The following POMT1 variants were observed in gnomAD, a reference collection of about 807,000 sequenced individuals.
POMT1 encodes protein O-mannosyl-transferase 1.
POMT1 carries 85 observed loss-of-function variants against 101.6 expected under a neutral mutation model. The ratio of observed to expected loss-of-function variants is 0.84; its 90% CI spans 0.70 to 1.00. The LOEUF (loss-of-function observed/expected upper bound fraction) is 1.00, where lower values mean the gene tolerates loss of function less well. Ranked by LOEUF, POMT1 falls within the 50% of genes least tolerant of loss-of-function variation. POMT1 has a pLI of 0.00. For missense variants in POMT1, 857 were observed against 930.4 expected (o/e 0.92, Z 1.03); for synonymous variants, 371 against 383.0 (o/e 0.97, Z 0.37).
chr9:131,510,972 C>CGAAGA, intron 9 of POMT1: 2 of 278,634 alleles, frequency 7.2e-6, no homozygotes, highest in Non-Finnish European at 6.9e-6. Context: ...AGCCTGCCGA[C>CGAAGA]GGCCAGTGCT....
At chr9:131,516,097 T>G (rs375754144) in intron 13 of POMT1, among the ~76,000 whole-genome samples, 3 of 33,028 alleles carry the variant, frequency 9.1e-5, no homozygotes, top group African/African-American at 1.1e-4. Context: ...CTTCCTCACA[T>G]GGAGCACTTC....
At position 131,519,988 on chromosome 9, in the gene POMT1, G is replaced by GC. The variant is rs1346191321; in HGVS notation, c.1585-91dup. 3.2e-6 allele frequency: 3 copies of GC among 945,400 alleles called. No individual in the cohort carries two copies. The East Asian group carries it at 7.8e-5, about 24-fold the overall frequency. The allele number at this position is 945,400 out of a possible 1,614,324, so 58.6% of individuals were successfully genotyped here. ...GAACTTGAGCTGGGCCAGTCCACGT[G>GC]CAAGGGGCAGCAGTGTACTCCTTTG... On this transcript the variant is annotated intron_variant, in intron 16 of 19. Transcript: ENST00000402686. The surrounding 1 kb of genome is among the most constrained non-coding windows in gnomAD (Gnocchi z 4.3).
chr9:131,509,309 T>A (rs549783645), intron 6 of POMT1, among the ~76,000 whole-genome samples: 1 of 152,180 alleles, frequency 6.6e-6, no homozygotes, highest in South Asian at 2.1e-4. Flanking sequence ...CAGCACCATG[T>A]CTGGCTAATT....
chr9:131,505,208 C>T (rs1945517338), intron 2 of POMT1, among the ~76,000 whole-genome samples: 1 of 152,092 alleles, frequency 6.6e-6, no homozygotes, highest in Non-Finnish European at 1.5e-5. Flanking sequence ...TATCAGTTCA[C>T]AGCCAGGCCC....
intron 12 of POMT1, among the ~76,000 whole-genome samples, chr9:131,513,957 C>G (rs551871720): frequency 6.6e-6 from 1 of 152,198 alleles, no homozygotes; most frequent in Admixed American, 6.5e-5. Flanking sequence ...CCCGGCTGCC[C>G]GGGGCTCACC....
intron 16 of POMT1, 29 bp from the exon 17 acceptor site, chr9:131,520,051 C>A: frequency 1.3e-6 from 2 of 1,585,082 alleles, no homozygotes; most frequent in Non-Finnish European, 1.7e-6. Context: ...CCCCCATCCT[C>A]AATCTCAGAG....
chr9:131,515,304 C>A, intron 12 of POMT1, 122 bp from the exon 13 acceptor site: 1 of 958,462 alleles, frequency 1.0e-6, no homozygotes, highest in Non-Finnish European at 1.7e-6. Context: ...GGGACTGGGC[C>A]ACCCCTTATG....
intron 17 of POMT1, among the ~76,000 whole-genome samples, 193 bp downstream of exon 17, chr9:131,520,386 G>T (rs563219282): frequency 2.0e-5 from 3 of 152,350 alleles, no homozygotes; most frequent in African/African-American, 7.2e-5. Flanking sequence ...TGGCATGTGT[G>T]CCTGTTGAAG....
At chr9:131,506,581 T>A in intron 4 of POMT1, 128 bp downstream of exon 4, 1 of 869,858 alleles carries the variant, frequency 1.1e-6, no homozygotes, top group Non-Finnish European at 1.9e-6. Flanking sequence ...AACTGTGCCT[T>A]ATTAATCTGA....
Position 131,522,280 on chromosome 9 carries a change from C to A in POMT1, c.2003+56C>A. The A allele has an allele frequency of 1.9e-6, 3 of 1,605,082 alleles. No homozygotes were observed. Among genetic ancestry groups the A allele is most frequent in the Non-Finnish European group, 2.5e-6 (3 of 1,179,336 alleles). On this transcript the variant is annotated intron_variant, in intron 19 of 19. Coordinates refer to ENST00000402686, the MANE Select transcript of POMT1 (RefSeq NM_001077365.2). The surrounding 1 kb of genome is among the most constrained non-coding windows in gnomAD (Gnocchi z 5.5). ...CGGGCAGCAGCCCTCTGCTGGGAAG[C>A]CCATGCGCAGCAAACACATGGGGTG...
rs764451132 is a variant in POMT1 at position 131,522,210 on chromosome 9, C to T, written c.1989C>T (p.Ser663=). Residue 663 remains serine (S), a synonymous_variant, in exon 19 of 20, where the codon AGC becomes AGT. Coordinates refer to ENST00000402686, the MANE Select transcript of POMT1 (RefSeq NM_001077365.2). The surrounding 1 kb of genome is among the most constrained non-coding windows in gnomAD (Gnocchi z 5.5). ...TCCCTGTGGTCCTGCAGCACATCAG[C>T]GACCACCTGTGCAGGTACGGGGGCT... ...LLLPVVLQHI[S]DHLCRSQLQR... is the part of the protein sequence containing the mutation. The T allele has an allele frequency of 6.8e-6, 11 of 1,613,632 alleles. No homozygotes were observed. Among genetic ancestry groups the T allele is most frequent in the South Asian group, 3.3e-5 (3 of 91,096 alleles).
rs78529026 is a variant in POMT1 at position 131,520,066 on chromosome 9, C to T, written c.1585-14C>T. ...CCCCCATCCTCAATCTCAGAGGCCTCTGCTTTGTTCCAGTGGAGGATGCTG... is the reference window on the plus strand; with the variant it reads ...CCCCCATCCTCAATCTCAGAGGCCTTTGCTTTGTTCCAGTGGAGGATGCTG... On this transcript the variant is annotated splice_polypyrimidine_tract_variant and intron_variant, in intron 16 of 19. Transcript: ENST00000402686. The T allele has an allele frequency of 6.8e-4, 1,103 of 1,610,622 alleles. 3 individuals carry two copies. In the African/African-American group the frequency reaches 0.011, roughly 16 times the overall value.
chr9:131,512,055 G>C lies in POMT1; in HGVS notation c.1001G>C (p.Arg334Pro). The change falls in exon 11 of 20, where the codon CGA becomes CCA. Residue 334 changes from arginine to proline, a missense_variant. Coordinates refer to ENST00000402686, the MANE Select transcript of POMT1 (RefSeq NM_001077365.2). ...ACTTCACACAGATATGAGAACGGCC[G>C]AGGCAGCTCCCACCAGCAACAGGTG... ...DTYPMIYENG[R>P]GSSHQQQVTC... The C allele has an allele frequency of 1.9e-6, 3 of 1,614,078 alleles. No individual in the cohort carries two copies. The highest frequency in any genetic ancestry group is 2.5e-6 in the Non-Finnish European group (3 of 1,180,000).
At position 131,507,376 on chromosome 9, in the gene POMT1, A is replaced by G; in HGVS notation, c.289A>G (p.Ser97Gly). Residue 97 changes from serine to glycine, a missense_variant, in exon 5 of 20, where the codon AGC (serine) becomes GGC (glycine). Physicochemically the swap from Ser to Gly is moderately conservative, Grantham distance 56 (BLOSUM62 0). Transcript: ENST00000402686. ...TGTGGTTGCTTTTCCAGAATACAGT[A>G]GCAACGTGCCTGTGTGGTCCCTGCG... ...LWNRIGAEYS[S>G]NVPVWSLRLL... 1 of 1,614,172 alleles carries G rather than the reference A, an allele frequency of 6.2e-7. No individual in the cohort carries two copies. The highest frequency in any genetic ancestry group is 8.5e-7 in the Non-Finnish European group (1 of 1,180,032).
Position 131,510,298 on chromosome 9 carries a change from T to C in POMT1, c.738T>C (p.Ala246=). The change falls in exon 9 of 20, where the codon GCT becomes GCC. Residue 246 remains alanine (A), a synonymous_variant. Transcript: ENST00000402686. The part of the protein sequence containing the change: ...VFCHLLARAV[A]LLVIPVVLYL... ...GTCACTTGCTCGCCCGAGCAGTGGC[T>C]TTGCTGGTCATCCCGGTCGTCCTGT... 6.2e-7 allele frequency: 1 copy of C among 1,614,228 alleles called. No individual in the cohort carries two copies. The highest frequency in any genetic ancestry group is 8.5e-7 in the Non-Finnish European group (1 of 1,180,038).
Position 131,506,419 on chromosome 9 carries a change from C to T in POMT1, c.246C>T (p.Phe82=), listed in dbSNP as rs148887050. The part of the protein sequence containing the change: ...VLALGGYLGG[F]DGNFLWNRIG... Reference sequence around the variant, plus strand: ...CTGTTTCAGGTTATTTAGGAGGATTCGATGGCAATTTTTTGTGGAACAGAA... The same window carrying T: ...CTGTTTCAGGTTATTTAGGAGGATTTGATGGCAATTTTTTGTGGAACAGAA... Residue 82 remains phenylalanine, a synonymous_variant, in exon 4 of 20, where the codon TTC becomes TTT. Coordinates refer to ENST00000402686, the MANE Select transcript of POMT1 (RefSeq NM_001077365.2). 238 of 1,612,882 alleles carry T rather than the reference C, an allele frequency of 1.5e-4. No individual in the cohort carries two copies. Among genetic ancestry groups the T allele is most frequent in the Non-Finnish European group, 1.9e-4 (219 of 1,179,056 alleles).
At chr9:131,511,590 C>A in intron 10 of POMT1, 123 bp downstream of exon 10, 2 of 1,358,952 alleles carry the variant, frequency 1.5e-6, no homozygotes, top group Non-Finnish European at 2.0e-6. Context: ...AGTTGAGCAG[C>A]CCGGGTGCTG....
intron 1 of POMT1, 98 bp from the exon 2 acceptor site, chr9:131,504,090 TG>T (rs1321255860): frequency 7.1e-7 from 1 of 1,417,544 alleles, no homozygotes; most frequent in African/African-American, 1.4e-5. Flanking sequence ...CCGGCTGTGC[TG>T]TGGTTCTCCT....
rs1352966923 is a variant in POMT1, at chr9:131,523,245, T to TG, written c.*144dup. ...TGAGCAGGGCCTCTAGTGGAACACATGGGGGTCTCATTGAAAAGCTCTCTG... is the reference window on the plus strand; with the variant it reads ...TGAGCAGGGCCTCTAGTGGAACACATGGGGGGTCTCATTGAAAAGCTCTCTG... On this transcript the variant is annotated 3_prime_UTR_variant, in exon 20 of 20. Transcript: ENST00000402686. 1.5e-5 allele frequency: 15 copies of TG among 1,034,214 alleles called. No individual in the cohort carries two copies. The highest frequency in any genetic ancestry group is 2.1e-5 in the Non-Finnish European group (15 of 699,198). 64.1% of individuals were successfully genotyped at this position (1,034,214 alleles called of 1,614,324 possible).
Sources: gnomAD v4.1 joint callset for allele counts (sites outside exome capture counted in the v4.1 genomes callset) on GRCh38, gnomAD v4.1.1 for gene constraint, Gnocchi (gnomAD v3.1) non-coding constraint, MANE v1.5 for transcripts, NCBI Gene and HGNC (gene_info 2026-07-23, HGNC 2026-07-21) for gene names.